The following ITGA9 variants were observed in gnomAD, a reference collection of about 807,000 sequenced individuals.
ITGA9 encodes the protein integrin subunit alpha 9.
ITGA9 carries 56 observed loss-of-function variants against 127.8 expected under a neutral mutation model. That is an observed-to-expected ratio of 0.44 (90% CI 0.35 to 0.55). ITGA9 has a LOEUF of 0.55. Ranked by LOEUF, ITGA9 falls within the 20% of genes least tolerant of loss-of-function variation. The pLI is 0.00. For missense variants in ITGA9, 1,196 were observed against 1,347.1 expected (o/e 0.89, Z 1.76); for synonymous variants, 508 against 514.5 (o/e 0.99, Z 0.17).
chr3:37,801,817 T>C (rs1697238535), intron 26 of ITGA9, among the ~76,000 whole-genome samples: 1 of 152,172 alleles, frequency 6.6e-6, no homozygotes. Flanking sequence ...TGCTCCTGTC[T>C]TGCGGATGAG....
chr3:37,564,138 A>C (rs1311717139), intron 15 of ITGA9, among the ~76,000 whole-genome samples: 1 of 152,246 alleles, frequency 6.6e-6, no homozygotes, highest in Non-Finnish European at 1.5e-5. Context: ...TCCTAAATGT[A>C]CTTGACCACG....
intron 18 of ITGA9, among the ~76,000 whole-genome samples, chr3:37,707,398 C>A (rs1220575499): frequency 2.0e-5 from 3 of 152,164 alleles, no homozygotes; most frequent in Non-Finnish European, 4.4e-5. Context: ...TATGAAACAC[C>A]TCCCTTGTTT....
chr3:37,506,415 T>A (rs900818130), intron 7 of ITGA9, among the ~76,000 whole-genome samples: 2 of 152,182 alleles, frequency 1.3e-5, no homozygotes, highest in Non-Finnish European at 2.9e-5. Flanking sequence ...CTGTCCAACT[T>A]CAAATCCCAA....
At chr3:37,574,525 C>G (rs545472093) in intron 15 of ITGA9, among the ~76,000 whole-genome samples, 1 of 152,314 alleles carries the variant, frequency 6.6e-6, no homozygotes, top group Admixed American at 6.5e-5. Flanking sequence ...AAGATCCAAT[C>G]TGAAATTAAA....
Position 37,545,259 on chromosome 3 carries a change from CA to C in ITGA9, c.1689+2675del, listed in dbSNP as rs1699314719. On this transcript the variant is annotated intron_variant, in intron 15 of 27. Transcript: ENST00000264741. Reference sequence around the variant, plus strand: ...GATAAATAAAAGCATTCTGGCTTATCACACACCATATGGCTAGCAGACAGTG... The same window carrying C: ...GATAAATAAAAGCATTCTGGCTTATCCACACCATATGGCTAGCAGACAGTG... 2.6e-5 allele frequency among the ~76,000 whole-genome samples: 4 copies of C among 152,302 alleles called. No homozygotes were observed. In the South Asian group the frequency reaches 8.3e-4, roughly 32 times the overall value.
At chr3:37,722,607 G>A (rs939028099) in intron 18 of ITGA9, among the ~76,000 whole-genome samples, 30 of 152,306 alleles carry the variant, frequency 2.0e-4, no homozygotes, top group South Asian at 4.1e-4. Context: ...GTCACTTAGC[G>A]TAATGTTTTC....
At chr3:37,699,271 T>C (rs1390289718) in intron 18 of ITGA9, among the ~76,000 whole-genome samples, 3 of 152,194 alleles carry the variant, frequency 2.0e-5, no homozygotes, top group African/African-American at 4.8e-5. Flanking sequence ...AACTCCAGCG[T>C]TGGGTACCAA....
At chr3:37,724,443 GT>G (rs1454948972) in intron 18 of ITGA9, among the ~76,000 whole-genome samples, 4 of 152,100 alleles carry the variant, frequency 2.6e-5, no homozygotes, top group African/African-American at 9.7e-5. Context: ...TCAACCAATA[GT>G]TTTTCCCCCT....
chr3:37,512,428 C>T (rs952683841), intron 8 of ITGA9, among the ~76,000 whole-genome samples: 2 of 151,548 alleles, frequency 1.3e-5, no homozygotes, highest in Non-Finnish European at 2.9e-5. Flanking sequence ...CCATGTTGGC[C>T]AGGCTGGTCT....
At chr3:37,603,565 G>A (rs1699941506) in intron 15 of ITGA9, among the ~76,000 whole-genome samples, 1 of 152,182 alleles carries the variant, frequency 6.6e-6, no homozygotes, top group African/African-American at 2.4e-5. Flanking sequence ...GGGAAGGGAT[G>A]TGTGATCTTT....
intron 16 of ITGA9, among the ~76,000 whole-genome samples, chr3:37,643,988 C>T (rs1441263130): frequency 6.6e-6 from 1 of 152,106 alleles, no homozygotes; most frequent in African/African-American, 2.4e-5. Flanking sequence ...TTTTCTGCCT[C>T]TTCTGACTAA....
intron 22 of ITGA9, among the ~76,000 whole-genome samples, chr3:37,744,584 G>T (rs962235490): frequency 6.6e-6 from 1 of 152,206 alleles, no homozygotes; most frequent in Admixed American, 6.5e-5. Context: ...AGGCACACAG[G>T]CATCATTTCC....
chr3:37,533,236 C>G, intron 13 of ITGA9, 78 bp from the exon 14 acceptor site: 1 of 1,289,454 alleles, frequency 7.8e-7, no homozygotes, highest in East Asian at 2.3e-5. Flanking sequence ...TAGGATTTAT[C>G]CTGTTGGTCT....
intron 15 of ITGA9, among the ~76,000 whole-genome samples, chr3:37,545,269 A>G (rs1010425103): frequency 6.6e-6 from 1 of 152,112 alleles, no homozygotes; most frequent in African/African-American, 2.4e-5. Flanking sequence ...CACACACCAT[A>G]TGGCTAGCAG....
At chr3:37,508,708 T>C (rs1162708791) in intron 8 of ITGA9, 81 bp downstream of exon 8, 2 of 1,107,860 alleles carry the variant, frequency 1.8e-6, no homozygotes, top group Non-Finnish European at 2.8e-6. Flanking sequence ...GAAAATTGGT[T>C]TGAAGGCCCT....
At chr3:37,493,591 C>T (rs151150862) in intron 4 of ITGA9, among the ~76,000 whole-genome samples, 1 of 152,334 alleles carries the variant, frequency 6.6e-6, no homozygotes, top group East Asian at 1.9e-4. Context: ...TGATGGTCTA[C>T]AGAAGTGAAG....
intron 8 of ITGA9, among the ~76,000 whole-genome samples, chr3:37,512,009 T>C (rs6799693): frequency 0.06 from 2,427 of 40,408 alleles, 246 homozygotes; most frequent in East Asian, 0.11. Context: ...TTTTCTTTTC[T>C]TTTCTTTTCT....
chr3:37,500,507 C>G (rs945637065), intron 5 of ITGA9, among the ~76,000 whole-genome samples: 19 of 152,218 alleles, frequency 1.2e-4, no homozygotes, highest in African/African-American at 3.4e-4. Flanking sequence ...TTTGTTAAGG[C>G]TCTTCCCCAA....
intron 26 of ITGA9, chr3:37,790,177 G>T: frequency 1.8e-6 from 1 of 566,956 alleles, no homozygotes. Context: ...GAATTCCTTT[G>T]GCTCTTGATG....
Sources: gnomAD v4.1 joint callset for allele counts (sites outside exome capture counted in the v4.1 genomes callset) on GRCh38, gnomAD v4.1.1 for gene constraint, MANE v1.5 for transcripts, NCBI Gene and HGNC (gene_info 2026-07-23, HGNC 2026-07-21) for gene names.